Variants in HECW1 observed in about 807,000 individuals in gnomAD.
HECW1 encodes E3 ubiquitin-protein ligase HECW1.
In HECW1, 61 loss-of-function variants were observed where a neutral mutation model predicts 182.3. The ratio of observed to expected loss-of-function variants is 0.33; its 90% CI spans 0.27 to 0.41. The LOEUF is 0.41. Ranked by LOEUF, HECW1 falls within the 10% of genes least tolerant of loss-of-function variation. The pLI is 1.00. For synonymous variants in HECW1, 859 were observed against 832.6 expected (o/e 1.03, Z -0.55); for missense variants, 1,739 against 2,108.9 (o/e 0.82, Z 3.44).
intron 22 of HECW1, 50 bp downstream of exon 22, chr7:43,507,307 C>A (rs753344684): frequency 1.9e-6 from 3 of 1,574,140 alleles, no homozygotes; most frequent in Non-Finnish European, 2.6e-6. Context: ...ATTTTTCAAT[C>A]CCTTTCTCCC....
intron 21 of HECW1, among the ~76,000 whole-genome samples, chr7:43,506,391 C>A (rs1412686278): frequency 3.3e-5 from 5 of 152,176 alleles, no homozygotes; most frequent in African/African-American, 4.8e-5. Flanking sequence ...AATGCTCATC[C>A]ATGTCCTTTT....
intron 4 of HECW1, among the ~76,000 whole-genome samples, chr7:43,312,362 C>T (rs966793772): frequency 6.6e-6 from 1 of 152,174 alleles, no homozygotes; most frequent in African/African-American, 2.4e-5. Flanking sequence ...ACTATAGAAG[C>T]TCTTCTACTT....
At chr7:43,255,198 A>G (rs1391287602) in intron 3 of HECW1, among the ~76,000 whole-genome samples, 4 of 152,232 alleles carry the variant, frequency 2.6e-5, no homozygotes, top group Non-Finnish European at 5.9e-5. Context: ...CTGGAATTCT[A>G]CTTCCAAGCA....
intron 2 of HECW1, among the ~76,000 whole-genome samples, chr7:43,138,709 C>G (rs1229099570): frequency 6.6e-6 from 1 of 152,144 alleles, no homozygotes; most frequent in Non-Finnish European, 1.5e-5. Context: ...GACCAAGTGA[C>G]CTAAAACCTC....
At chr7:43,175,657 T>A (rs1045579129) in intron 2 of HECW1, among the ~76,000 whole-genome samples, 4 of 152,188 alleles carry the variant, frequency 2.6e-5, no homozygotes, top group Admixed American at 6.5e-5. Flanking sequence ...GTAAATCTAA[T>A]CTTTGCTAGA....
chr7:43,156,282 T>A (rs1789876348), intron 2 of HECW1, among the ~76,000 whole-genome samples: 1 of 152,200 alleles, frequency 6.6e-6, no homozygotes, highest in African/African-American at 2.4e-5. Flanking sequence ...CTCTGAGGTA[T>A]CTGGGACAGA....
chr7:43,550,514 A>G lies in HECW1; in HGVS notation c.4318A>G (p.Ile1440Val), dbSNP rs1461822410. ...GACGGAGAAAAACAAGAAGGAGTACATCGAGCGCATGGTGAAGTGGCGGGT... is the reference window on the plus strand; with the variant it reads ...GACGGAGAAAAACAAGAAGGAGTACGTCGAGCGCATGGTGAAGTGGCGGGT... ...QVTEKNKKEY[I>V]ERMVKWRVER... is the part of the protein sequence containing the mutation. The change falls in exon 27 of 30, where the codon ATC becomes GTC. Residue 1440 changes from isoleucine (I) to valine (V), a missense_variant. Ile to Val is a conservative substitution (Grantham distance 29). Around this residue, in one of 5 missense-constraint regions of HECW1, gnomAD observed 420 missense variants for 595.7 expected, o/e 0.71. Transcript: ENST00000395891. 1 of 1,614,106 alleles carries G rather than the reference A, an allele frequency of 6.2e-7. No homozygotes were observed. Among genetic ancestry groups the G allele is most frequent in the Non-Finnish European group, 8.5e-7 (1 of 1,179,998 alleles).
intron 21 of HECW1, among the ~76,000 whole-genome samples, chr7:43,504,535 A>G (rs1458182782): frequency 4.6e-5 from 7 of 152,220 alleles, no homozygotes; most frequent in Admixed American, 4.6e-4. Flanking sequence ...ACCCTCTGGC[A>G]GAGCTTCACC....
intron 17 of HECW1, among the ~76,000 whole-genome samples, chr7:43,483,304 C>A (rs887238234): frequency 1.3e-4 from 20 of 152,122 alleles, no homozygotes; most frequent in African/African-American, 4.6e-4. Flanking sequence ...ATCCCATTAC[C>A]TTGCAGGACT....
intron 3 of HECW1, among the ~76,000 whole-genome samples, chr7:43,263,180 T>C (rs966835158): frequency 6.6e-6 from 1 of 152,236 alleles, no homozygotes; most frequent in Admixed American, 6.5e-5. Flanking sequence ...GAAACAGGAA[T>C]TTTATTGAAG....
At chr7:43,268,784 GTTT>G (rs934959231) in intron 3 of HECW1, among the ~76,000 whole-genome samples, 1 of 151,962 alleles carries the variant, frequency 6.6e-6, no homozygotes, top group Admixed American at 6.6e-5. Flanking sequence ...TTGTTTGTTT[GTTT>G]TTTTAACAAG....
chr7:43,380,172 C>T (rs950719966), intron 6 of HECW1, among the ~76,000 whole-genome samples: 7 of 152,218 alleles, frequency 4.6e-5, no homozygotes, highest in African/African-American at 1.4e-4. Flanking sequence ...CCTGCCTCAG[C>T]CTCCTGAGTA....
At chr7:43,391,325 ACT>A in intron 6 of HECW1, among the ~76,000 whole-genome samples, 1 of 151,458 alleles carries the variant, frequency 6.6e-6, no homozygotes, top group Non-Finnish European at 1.5e-5. Context: ...AGAAATGAAA[ACT>A]CTCTTCCTCC....
intron 16 of HECW1, among the ~76,000 whole-genome samples, chr7:43,474,788 T>G (rs1230023672): frequency 1.3e-5 from 2 of 152,196 alleles, no homozygotes; most frequent in Non-Finnish European, 2.9e-5. Flanking sequence ...ATACCTGCAA[T>G]GAAATGTTTG....
chr7:43,509,207 G>A, intron 24 of HECW1, 86 bp downstream of exon 24: 2 of 1,396,272 alleles, frequency 1.4e-6, no homozygotes, highest in South Asian at 1.3e-5. Context: ...AAAGGCCACT[G>A]TGTTTAGAGC....
intron 3 of HECW1, among the ~76,000 whole-genome samples, chr7:43,282,797 G>A (rs1804082698): frequency 6.6e-6 from 1 of 152,104 alleles, no homozygotes; most frequent in Admixed American, 6.5e-5. Context: ...TTCACAGCAT[G>A]ATATTCACAG....
chr7:43,199,022 A>G (rs1199044220), intron 2 of HECW1, among the ~76,000 whole-genome samples: 1 of 152,212 alleles, frequency 6.6e-6, no homozygotes, highest in Non-Finnish European at 1.5e-5. Context: ...AAAGCCTGGT[A>G]TGACCACAAA....
chr7:43,158,950 G>A (rs1380349815), intron 2 of HECW1, among the ~76,000 whole-genome samples: 4 of 152,138 alleles, frequency 2.6e-5, no homozygotes, highest in Non-Finnish European at 5.9e-5. Context: ...AGATTGCTGG[G>A]CATCACTCTC....
chr7:43,274,454 A>G, intron 3 of HECW1: 1 of 636,680 alleles, frequency 1.6e-6, no homozygotes, highest in Non-Finnish European at 2.9e-6. Flanking sequence ...GAATACTGGG[A>G]CCTGACCACC....
Sources: allele counts gnomAD v4.1 joint callset (sites outside exome capture counted in the v4.1 genomes callset), GRCh38; gene constraint gnomAD v4.1.1; regional missense constraint gnomAD v4.1.1; transcripts MANE v1.5; gene names NCBI Gene and HGNC (gene_info 2026-07-23, HGNC 2026-07-21).